The following CBFA2T2 variants were observed in gnomAD, a reference collection of about 807,000 sequenced individuals.
The protein encoded by CBFA2T2 is CBFA2/RUNX1 partner transcriptional co-repressor 2.
Under a neutral mutation model 62.2 loss-of-function variants are expected in CBFA2T2, and 11 were observed. That is an observed-to-expected ratio of 0.18 (90% CI 0.11 to 0.29). The LOEUF (loss-of-function observed/expected upper bound fraction) is 0.29, where lower values mean the gene tolerates loss of function less well. Among genes scored for constraint, CBFA2T2 ranks in the 10% least tolerant of loss-of-function variants. CBFA2T2 has a pLI of 1.00. For synonymous variants in CBFA2T2, 295 were observed against 287.5 expected (o/e 1.03, Z -0.27); for missense variants, 592 against 774.1 (o/e 0.76, Z 2.79).
chr20:33,530,964 C>A (rs957876244), intron 1 of CBFA2T2, among the ~76,000 whole-genome samples: 1 of 152,020 alleles, frequency 6.6e-6, no homozygotes, highest in African/African-American at 2.4e-5. Context: ...CCTGTAATCG[C>A]AGCTCCTGTA....
intron 1 of CBFA2T2, among the ~76,000 whole-genome samples, chr20:33,580,783 G>A (rs2014076708): frequency 6.6e-6 from 1 of 152,134 alleles, no homozygotes; most frequent in Non-Finnish European, 1.5e-5. Flanking sequence ...GAGCCCAAGA[G>A]GTTGAGACTG....
intron 1 of CBFA2T2, among the ~76,000 whole-genome samples, chr20:33,497,948 G>T (rs1456456476): frequency 6.6e-6 from 1 of 152,158 alleles, no homozygotes; most frequent in African/African-American, 2.4e-5. Context: ...CTCCCAAAAT[G>T]CTAGGATTGC....
intron 1 of CBFA2T2, among the ~76,000 whole-genome samples, chr20:33,588,563 A>G (rs980271499): frequency 6.6e-6 from 1 of 152,066 alleles, no homozygotes. Context: ...TATTCCTTAG[A>G]TTACTTTAAA....
chr20:33,516,436 C>T (rs890626596), intron 1 of CBFA2T2, among the ~76,000 whole-genome samples: 2 of 152,210 alleles, frequency 1.3e-5, no homozygotes, highest in Non-Finnish European at 2.9e-5. Flanking sequence ...TGCCACTGCA[C>T]TCCAGCCTGA....
intron 1 of CBFA2T2, among the ~76,000 whole-genome samples, chr20:33,606,527 C>T (rs2122286289): frequency 6.6e-6 from 1 of 152,282 alleles, no homozygotes; most frequent in Non-Finnish European, 1.5e-5. Context: ...CTTCTCCCTC[C>T]TGGCTTGCTG....
intron 1 of CBFA2T2, among the ~76,000 whole-genome samples, chr20:33,524,459 CTG>C (rs1262430880): frequency 2.0e-5 from 3 of 152,000 alleles, no homozygotes; most frequent in Non-Finnish European, 4.4e-5. Context: ...GGCTTTCAGA[CTG>C]TGGGTTCTTG....
intron 1 of CBFA2T2, among the ~76,000 whole-genome samples, chr20:33,577,022 T>A (rs986163800): frequency 2.6e-5 from 4 of 152,196 alleles, no homozygotes; most frequent in Non-Finnish European, 5.9e-5. Context: ...AATAGATGAA[T>A]TGAGAGGGTG....
At chr20:33,537,794 C>G (rs149445149) in intron 1 of CBFA2T2, among the ~76,000 whole-genome samples, 1 of 152,144 alleles carries the variant, frequency 6.6e-6, no homozygotes, top group African/African-American at 2.4e-5. Context: ...TGTCAAAAAT[C>G]AGTTGTTTAT....
At chr20:33,510,099 C>T (rs1213386804) in intron 1 of CBFA2T2, among the ~76,000 whole-genome samples, 1 of 152,056 alleles carries the variant, frequency 6.6e-6, no homozygotes, top group Non-Finnish European at 1.5e-5. Context: ...TGATAGTTTG[C>T]TCAGAATGAT....
At chr20:33,510,453 C>T (rs918065721) in intron 1 of CBFA2T2, among the ~76,000 whole-genome samples, 3 of 151,950 alleles carry the variant, frequency 2.0e-5, no homozygotes, top group South Asian at 2.1e-4. Flanking sequence ...CCTCGTGATC[C>T]GCCCGCCTCG....
At chr20:33,577,597 GTC>G (rs1296075632) in intron 1 of CBFA2T2, among the ~76,000 whole-genome samples, 1 of 152,216 alleles carries the variant, frequency 6.6e-6, no homozygotes, top group African/African-American at 2.4e-5. Flanking sequence ...AGAATGTGAA[GTC>G]TCTCTGAACT....
At chr20:33,514,933 C>A (rs1342349241) in intron 1 of CBFA2T2, among the ~76,000 whole-genome samples, 15 of 151,794 alleles carry the variant, frequency 9.9e-5, no homozygotes, top group Admixed American at 9.2e-4. Context: ...ACCTTGTGAT[C>A]CGCCCGCCTT....
chr20:33,558,352 A>T (rs2012976436), intron 1 of CBFA2T2, among the ~76,000 whole-genome samples: 1 of 151,454 alleles, frequency 6.6e-6, no homozygotes, highest in Non-Finnish European at 1.5e-5. Context: ...GGCTGGTCTC[A>T]AAACTCCTGG....
rs2017144642 is a variant in CBFA2T2 at position 33,648,864 on chromosome 20, C to G, written c.*4218C>G. On this transcript the variant is annotated 3_prime_UTR_variant, in exon 11 of 11. Coordinates refer to ENST00000342704, the MANE Select transcript of CBFA2T2 (RefSeq NM_001032999.3). ...AAAACCCATGCTTTACTTTGTACAG[C>G]CCTGTCCCAGAGTTAGTAAGCCTCG... is the stretch of plus-strand genomic sequence containing the variant. The G allele has an allele frequency of 1.3e-5, 2 of 152,172 alleles. No homozygotes were observed. Among genetic ancestry groups the G allele is most frequent in the African/African-American group, 4.8e-5 (2 of 41,440 alleles). 9.4% of individuals were successfully genotyped at this position (152,172 alleles called of 1,614,324 possible). A position where few individuals can be genotyped will look rare whatever the true frequency, so the allele number is the denominator to read the frequency against.
chr20:33,531,362 G>C (rs190719052), intron 1 of CBFA2T2, among the ~76,000 whole-genome samples: 14 of 152,264 alleles, frequency 9.2e-5, no homozygotes, highest in Admixed American at 8.5e-4. Flanking sequence ...TTACAAAATG[G>C]CAAATGCTGT....
chr20:33,649,499 C>T lies in CBFA2T2; in HGVS notation c.*4853C>T, dbSNP rs2017175379. 1 of 152,628 alleles carries T rather than the reference C, an allele frequency of 6.6e-6. No homozygotes were observed. Among genetic ancestry groups the T allele is most frequent in the Non-Finnish European group, 1.5e-5 (1 of 68,098 alleles). The allele number at this position is 152,628 out of a possible 1,614,324, so 9.5% of individuals were successfully genotyped here. On this transcript the variant is annotated 3_prime_UTR_variant, in exon 11 of 11. Coordinates refer to ENST00000342704, the MANE Select transcript of CBFA2T2 (RefSeq NM_001032999.3). ...CTGAGGGGCGGGCCTTGTGTCCCCTCCTCCCCCTCCACAGCCCCTGAGGTG... is the reference window on the plus strand; with the variant it reads ...CTGAGGGGCGGGCCTTGTGTCCCCTTCTCCCCCTCCACAGCCCCTGAGGTG...
chr20:33,535,941 G>T (rs189432387), intron 1 of CBFA2T2, among the ~76,000 whole-genome samples: 9 of 152,314 alleles, frequency 5.9e-5, no homozygotes, highest in South Asian at 4.1e-4. Flanking sequence ...ATCCATTTAA[G>T]CCTGAGTGGA....
At chr20:33,511,180 T>G (rs1221251974) in intron 1 of CBFA2T2, among the ~76,000 whole-genome samples, 1 of 152,216 alleles carries the variant, frequency 6.6e-6, no homozygotes, top group Non-Finnish European at 1.5e-5. Context: ...TTGCCATTGC[T>G]TTTGGTGTTT....
At chr20:33,569,176 G>A (rs1010131992) in intron 1 of CBFA2T2, among the ~76,000 whole-genome samples, 1 of 152,154 alleles carries the variant, frequency 6.6e-6, no homozygotes, top group African/African-American at 2.4e-5. Context: ...TGGGGGTAGG[G>A]CACACAAAAA....
Sources: gnomAD v4.1 joint callset for allele counts (sites outside exome capture counted in the v4.1 genomes callset) on GRCh38, gnomAD v4.1.1 for gene constraint, MANE v1.5 for transcripts, NCBI Gene and HGNC (gene_info 2026-07-23, HGNC 2026-07-21) for gene names.